DCHS2: variants seen among roughly 807,000 people sequenced by gnomAD.
The protein encoded by DCHS2 is dachsous cadherin-related 2.
Under a neutral mutation model 182.4 loss-of-function variants are expected in DCHS2, and 142 were observed. That is an observed-to-expected ratio of 0.78 (90% CI 0.68 to 0.89). The LOEUF is 0.89. DCHS2 is among the 40% of genes least tolerant of loss of function. DCHS2 has a pLI of 0.00. For missense variants in DCHS2, 4,319 were observed against 4,198.6 expected, an observed-to-expected ratio of 1.03 and a Z score of -0.79; for synonymous variants, 1,740 against 1,663.3, an observed-to-expected ratio of 1.05 and a Z score of -1.12.
In DCHS2 at chr4:154,235,522, G is replaced by A. The variant is rs74491447; in HGVS notation, c.9130C>T (p.Arg3044Trp). The change falls in exon 20 of 20, where the codon CGG becomes TGG. Residue 3044 changes from arginine (R) to tryptophan (W), a missense_variant. Transcript: ENST00000357232. ...SSLDADLRVT[R>W]DASVLKAFQK... ...AAGGCTTTGAGCACACTGGCATCCC[G>A]GGTCACTCTCAAGTCCGCATCTAAA... 655 of 1,613,974 alleles carry A rather than the reference G, an allele frequency of 4.1e-4. 3 individuals carry two copies. In the African/African-American group the frequency reaches 6.4e-3, roughly 16 times the overall value.
intron 2 of DCHS2, among the ~76,000 whole-genome samples, chr4:154,375,492 C>A (rs1730848266): frequency 6.6e-6 from 1 of 151,804 alleles, no homozygotes; most frequent in Non-Finnish European, 1.5e-5. Flanking sequence ...AAAGATCCAA[C>A]AATAACAATG....
intron 10 of DCHS2, among the ~76,000 whole-genome samples, 183 bp from the exon 11 acceptor site, chr4:154,305,414 T>C (rs1735403516): frequency 6.6e-6 from 1 of 152,230 alleles, no homozygotes; most frequent in South Asian, 2.1e-4. Flanking sequence ...AAAAGCCTCA[T>C]GGGCTGAAAT....
intron 13 of DCHS2, among the ~76,000 whole-genome samples, chr4:154,296,452 C>T (rs1342652279): frequency 2.0e-5 from 3 of 152,032 alleles, no homozygotes; most frequent in East Asian, 1.9e-4. Context: ...AGTGCCTCTT[C>T]CTACGATTAA....
intron 13 of DCHS2, among the ~76,000 whole-genome samples, chr4:154,291,692 G>A (rs186837491): frequency 3.3e-5 from 5 of 152,238 alleles, no homozygotes; most frequent in Non-Finnish European, 4.4e-5. Context: ...AATAAGCCAG[G>A]CACTGACAGA....
chr4:154,442,899 T>G (rs553045655), intron 1 of DCHS2, among the ~76,000 whole-genome samples: 1 of 152,166 alleles, frequency 6.6e-6, no homozygotes, highest in South Asian at 2.1e-4. Context: ...GCCCTCCTCA[T>G]GCAAAAAACT....
intron 1 of DCHS2, among the ~76,000 whole-genome samples, chr4:154,398,450 C>T (rs1163430042): frequency 2.6e-5 from 4 of 152,160 alleles, no homozygotes; most frequent in Admixed American, 2.6e-4. Context: ...CTTCCAACTT[C>T]CCTGTCTTTA....
In DCHS2 at chr4:154,232,955, C is replaced by T; in HGVS notation, c.*1581G>A. The T allele has an allele frequency of 6.6e-6, 1 of 152,102 alleles. No individual in the cohort carries two copies. The highest frequency in any genetic ancestry group is 1.9e-4 in the East Asian group (1 of 5,198). The allele number at this position is 152,102 out of a possible 1,614,324, so 9.4% of individuals were successfully genotyped here. On this transcript the variant is annotated 3_prime_UTR_variant, in exon 20 of 20. Transcript: ENST00000357232. The stretch of plus-strand genomic sequence containing the variant: ...AGCATAGATAGATAATAGAAAATAT[C>T]AGCATAGGAAGCTGTAGAATTACTT...
rs552680037 is a variant in DCHS2, at chr4:154,376,861, G to C, written c.2244+392C>G. On this transcript the variant is annotated intron_variant, in intron 2 of 19. Coordinates refer to ENST00000357232, the MANE Select transcript of DCHS2 (RefSeq NM_001358235.2). ...AAAAGCCATAGGAGAACAGGTAAGAGGCCTGACTGTTACAGATGGAAACTT... is the reference window on the plus strand; with the variant it reads ...AAAAGCCATAGGAGAACAGGTAAGACGCCTGACTGTTACAGATGGAAACTT... Among the ~76,000 whole-genome samples the C allele has an allele frequency of 3.3e-5, 5 of 152,256 alleles. No homozygotes were observed. The East Asian group carries it at 9.6e-4, about 29-fold the overall frequency.
At position 154,489,520 on chromosome 4, in the gene DCHS2, G is replaced by T; in HGVS notation, c.1836C>A (p.Ser612Arg). Residue 612 changes from serine to arginine, a missense_variant, in exon 1 of 20, where the codon AGC (serine) becomes AGA (arginine). Physicochemically the swap from Ser to Arg is moderately radical, Grantham distance 110. Transcript: ENST00000357232. Reference protein sequence around the residue: ...CGPSFAIDSESGAISTIRTLD... With the variant: ...CGPSFAIDSERGAISTIRTLD... Reference sequence around the variant, plus strand: ...GAGTCCGGATAGTGCTGATCGCACCGCTTTCGGAATCAATGGCAAAAGATG... The same window carrying T: ...GAGTCCGGATAGTGCTGATCGCACCTCTTTCGGAATCAATGGCAAAAGATG... 1 of 1,551,626 alleles carries T rather than the reference G, an allele frequency of 6.4e-7. No homozygotes were observed. The highest frequency in any genetic ancestry group is 1.2e-5 in the South Asian group (1 of 84,042).
At chr4:154,414,179 T>TTATATATA (rs759077609) in intron 1 of DCHS2, among the ~76,000 whole-genome samples, 6 of 147,314 alleles carry the variant, frequency 4.1e-5, no homozygotes, top group African/African-American at 5.2e-5. Flanking sequence ...AATAAATCAA[T>TTATATATA]TATATATATA....
At chr4:154,357,368 C>T (rs1039942407) in intron 3 of DCHS2, 1 of 1,318,098 alleles carries the variant, frequency 7.6e-7, no homozygotes, top group Non-Finnish European at 1.1e-6. Flanking sequence ...CAGGGAAAAG[C>T]AAAAAGAAAA....
intron 3 of DCHS2, among the ~76,000 whole-genome samples, chr4:154,347,334 A>G (rs780849591): frequency 6.6e-6 from 1 of 150,526 alleles, no homozygotes; most frequent in Non-Finnish European, 1.5e-5. Context: ...TGATGGAGTA[A>G]GAAAAGAGCA....
chr4:154,307,447 A>ATG (rs1735489656), intron 10 of DCHS2, among the ~76,000 whole-genome samples: 2 of 151,528 alleles, frequency 1.3e-5, no homozygotes, highest in Non-Finnish European at 2.9e-5. Flanking sequence ...GCGCGCACAC[A>ATG]CACACACACA....
At chr4:154,267,430 A>AT (rs199863466) in intron 14 of DCHS2, among the ~76,000 whole-genome samples, 39 of 148,272 alleles carry the variant, frequency 2.6e-4, no homozygotes, top group Middle Eastern at 3.5e-3. Flanking sequence ...TCATCCAAGT[A>AT]TTTTTTTTTT....
intron 1 of DCHS2, among the ~76,000 whole-genome samples, chr4:154,418,378 C>A (rs1341897215): frequency 6.6e-6 from 1 of 152,190 alleles, no homozygotes; most frequent in African/African-American, 2.4e-5. Context: ...TTTCAAATGG[C>A]AGAAGCCCCT....
chr4:154,278,618 T>C (rs940238391), intron 13 of DCHS2, among the ~76,000 whole-genome samples: 2 of 143,998 alleles, frequency 1.4e-5, no homozygotes, highest in African/African-American at 2.5e-5. Context: ...AAATCTTAAA[T>C]TAAAAAAAAA....
At chr4:154,297,311 T>C (rs1734970804) in intron 13 of DCHS2, among the ~76,000 whole-genome samples, 1 of 152,192 alleles carries the variant, frequency 6.6e-6, no homozygotes, top group Admixed American at 6.5e-5. Context: ...TTATATTTGC[T>C]CTTCAAAGAG....
chr4:154,384,503 A>C (rs1185741248), intron 1 of DCHS2: 1 of 1,557,906 alleles, frequency 6.4e-7, no homozygotes, highest in Non-Finnish European at 8.7e-7. Flanking sequence ...CCTCCAAAAA[A>C]CCTCTGTCAA....
At chr4:154,237,327 T>C in intron 19 of DCHS2, 168 bp from the exon 20 acceptor site, 2 of 938,820 alleles carry the variant, frequency 2.1e-6, no homozygotes, top group Non-Finnish European at 3.0e-6. Flanking sequence ...ATTGTATTTA[T>C]ATGTTTATAA....
Sources: gnomAD v4.1 joint callset for allele counts (sites outside exome capture counted in the v4.1 genomes callset) on GRCh38, gnomAD v4.1.1 for gene constraint, MANE v1.5 for transcripts, NCBI Gene and HGNC (gene_info 2026-07-23, HGNC 2026-07-21) for gene names.